The following NOS1 variants were observed in gnomAD, a reference collection of about 807,000 sequenced individuals.
The protein encoded by NOS1 is nitric oxide synthase 1.
Under a neutral mutation model 164.5 loss-of-function variants are expected in NOS1, and 51 were observed. That is an observed-to-expected ratio of 0.31 (90% CI 0.25 to 0.39). The LOEUF is 0.39. Ranked by LOEUF, NOS1 falls within the 10% of genes least tolerant of loss-of-function variation. The pLI is 1.00. For missense variants in NOS1, 1,362 were observed against 1,885.6 expected (o/e 0.72, Z 5.14); for synonymous variants, 719 against 745.8 (o/e 0.96, Z 0.59).
At chr12:117,320,081 A>G (rs890326292) in intron 2 of NOS1, among the ~76,000 whole-genome samples, 2 of 152,230 alleles carry the variant, frequency 1.3e-5, no homozygotes, top group African/African-American at 4.8e-5. Context: ...CAACAGAGAC[A>G]GCCATTGGTT....
intron 9 of NOS1, among the ~76,000 whole-genome samples, chr12:117,275,815 A>T (rs1022327710): frequency 1.3e-5 from 2 of 152,180 alleles, no homozygotes; most frequent in Admixed American, 6.5e-5. Flanking sequence ...ATTTTGATTT[A>T]AAAAATATTG....
Position 117,330,534 on chromosome 12 carries a change from G to A in NOS1, c.536C>T (p.Ala179Val), listed in dbSNP as rs747431463. The A allele has an allele frequency of 6.2e-6, 10 of 1,613,798 alleles. No individual in the cohort carries two copies. Among genetic ancestry groups the A allele is most frequent in the Non-Finnish European group, 8.5e-6 (10 of 1,179,982 alleles). ...AGSLPHANGL[A>V]PRPPGQDPAK... ...GGGGTCCTGGCCTGGGGGCCTGGGGGCCAGGCCGTTGGCATGGGGGAGTGA... is the reference window on the plus strand; with the variant it reads ...GGGGTCCTGGCCTGGGGGCCTGGGGACCAGGCCGTTGGCATGGGGGAGTGA... The change falls in exon 2 of 29, where the codon GCC becomes GTC. Residue 179 changes from alanine (A) to valine (V), a missense_variant. This residue lies in a region of NOS1 where 362 missense variants were observed against 402.0 expected (regional missense o/e 0.90). Transcript: ENST00000317775. This position sits in a 1 kb window ranked among gnomAD's most constrained non-coding sequence, Gnocchi z 4.6.
chr12:117,280,932 A>C, intron 7 of NOS1, 66 bp from the exon 8 acceptor site: 1 of 1,560,296 alleles, frequency 6.4e-7, no homozygotes. Context: ...CATACTAAAC[A>C]TGGCGCCACC....
chr12:117,226,626 G>C, intron 24 of NOS1, 57 bp downstream of exon 24: 1 of 1,522,756 alleles, frequency 6.6e-7, no homozygotes, highest in South Asian at 1.1e-5. Flanking sequence ...ACCCCAACTT[G>C]TGACGTCAAT....
intron 25 of NOS1, among the ~76,000 whole-genome samples, chr12:117,224,583 C>A (rs972664639): frequency 6.6e-6 from 1 of 152,222 alleles, no homozygotes; most frequent in Non-Finnish European, 1.5e-5. Flanking sequence ...CCGCGCCCGG[C>A]CAATAAATCC....
intron 2 of NOS1, among the ~76,000 whole-genome samples, chr12:117,322,721 C>A: frequency 7.1e-6 from 1 of 141,254 alleles, no homozygotes; most frequent in Non-Finnish European, 1.5e-5. Flanking sequence ...TTTCATCTCT[C>A]CTTCCCTCTT....
At chr12:117,340,420 T>C (rs1876042635) in intron 1 of NOS1, among the ~76,000 whole-genome samples, 1 of 152,238 alleles carries the variant, frequency 6.6e-6, no homozygotes, top group Non-Finnish European at 1.5e-5. Context: ...AGTTACTTAC[T>C]CTCTCTGAGT....
At chr12:117,268,592 T>TTTC (rs1221611890) in intron 10 of NOS1, among the ~76,000 whole-genome samples, 2 of 147,638 alleles carry the variant, frequency 1.4e-5, no homozygotes, top group Non-Finnish European at 3.0e-5. Context: ...TCATTCAATT[T>TTTC]TTTTTTTTTT....
intron 13 of NOS1, among the ~76,000 whole-genome samples, chr12:117,260,934 G>A (rs1019615449): frequency 3.3e-5 from 5 of 151,890 alleles, no homozygotes; most frequent in East Asian, 3.9e-4. Flanking sequence ...TTGGGAGGCC[G>A]AGGCAGGTGG....
chr12:117,269,660 G>T (rs1872664111), intron 10 of NOS1, among the ~76,000 whole-genome samples: 2 of 151,854 alleles, frequency 1.3e-5, no homozygotes, highest in South Asian at 4.2e-4. Flanking sequence ...TAGAGATGGG[G>T]TTTCACCATG....
intron 1 of NOS1, among the ~76,000 whole-genome samples, chr12:117,338,225 CAAAAA>C (rs1040375564): frequency 9.4e-5 from 14 of 148,842 alleles, no homozygotes; most frequent in South Asian, 6.5e-4. Context: ...TCAAACAAAA[CAAAAA>C]AAAACAAAAC....
chr12:117,308,555 C>CA (rs199773807), intron 3 of NOS1, among the ~76,000 whole-genome samples: 2,166 of 141,694 alleles, frequency 0.015, 39 homozygotes, highest in African/African-American at 0.048. Flanking sequence ...AACAAACAAA[C>CA]AAAAAAAAAA....
chr12:117,294,787 G>A (rs1873304610), intron 3 of NOS1, among the ~76,000 whole-genome samples: 1 of 152,146 alleles, frequency 6.6e-6, no homozygotes, highest in Admixed American at 6.5e-5. Context: ...GGGGACAAGG[G>A]AAGCTTTTAG....
chr12:117,231,342 C>T (rs1238301515), intron 22 of NOS1, among the ~76,000 whole-genome samples: 1 of 151,298 alleles, frequency 6.6e-6, no homozygotes, highest in African/African-American at 2.4e-5. Context: ...AGAATAAGAT[C>T]TAGTATTTCC....
At chr12:117,349,693 T>C (rs1483341410) in intron 1 of NOS1, among the ~76,000 whole-genome samples, 1 of 152,210 alleles carries the variant, frequency 6.6e-6, no homozygotes, top group Non-Finnish European at 1.5e-5. Flanking sequence ...GTACCTAGTC[T>C]GTAGCAAGTA....
At chr12:117,302,886 C>G (rs574111231) in intron 3 of NOS1, among the ~76,000 whole-genome samples, 1 of 152,066 alleles carries the variant, frequency 6.6e-6, no homozygotes, top group Non-Finnish European at 1.5e-5. Context: ...GCTGGGACTA[C>G]AGGCACACGC....
chr12:117,316,998 A>G (rs961421295), intron 2 of NOS1, among the ~76,000 whole-genome samples: 2 of 152,122 alleles, frequency 1.3e-5, no homozygotes, highest in African/African-American at 4.8e-5. Context: ...CTCCTGCCTC[A>G]GCCTCCTGAG....
intron 13 of NOS1, 99 bp from the exon 14 acceptor site, chr12:117,260,708 T>C: frequency 7.6e-7 from 1 of 1,322,528 alleles, no homozygotes; most frequent in African/African-American, 1.5e-5. Flanking sequence ...CCATGAAATA[T>C]AACAGAAGAG....
chr12:117,268,975 G>A (rs546232662), intron 10 of NOS1, among the ~76,000 whole-genome samples: 1 of 152,200 alleles, frequency 6.6e-6, no homozygotes, highest in South Asian at 2.1e-4. Context: ...AATTTTTATC[G>A]AGAACCTACC....
Sources: gnomAD v4.1 joint callset for allele counts (sites outside exome capture counted in the v4.1 genomes callset) on GRCh38, gnomAD v4.1.1 for gene constraint, gnomAD v4.1.1 regional missense constraint, Gnocchi (gnomAD v3.1) non-coding constraint, MANE v1.5 for transcripts, NCBI Gene and HGNC (gene_info 2026-07-23, HGNC 2026-07-21) for gene names.